Variants in SCD5 observed in about 807,000 individuals in gnomAD.
SCD5 encodes acyl-CoA-desaturase 4.
SCD5 carries 20 observed loss-of-function variants against 30.4 expected under a neutral mutation model. That is an observed-to-expected ratio of 0.66 (90% CI 0.46 to 0.96). SCD5 has a LOEUF of 0.96. Ranked by LOEUF, SCD5 falls within the 40% of genes least tolerant of loss-of-function variation. The pLI is 0.00. For missense variants in SCD5, 381 were observed against 443.3 expected, an observed-to-expected ratio of 0.86 and a Z score of 1.26; for synonymous variants, 173 against 176.4, an observed-to-expected ratio of 0.98 and a Z score of 0.16.
At chr4:82,707,704 C>T (rs1719998263) in intron 1 of SCD5, among the ~76,000 whole-genome samples, 1 of 152,178 alleles carries the variant, frequency 6.6e-6, no homozygotes, top group Admixed American at 6.5e-5. Flanking sequence ...GGAAATGAGG[C>T]CCCCAGTCCA....
chr4:82,705,850 T>G (rs1304133005), intron 1 of SCD5, among the ~76,000 whole-genome samples: 1 of 152,212 alleles, frequency 6.6e-6, no homozygotes, highest in Non-Finnish European at 1.5e-5. Flanking sequence ...TGCCCATTAT[T>G]GGTATCAATA....
chr4:82,709,665 T>C (rs1190767990), intron 1 of SCD5, among the ~76,000 whole-genome samples: 1 of 152,156 alleles, frequency 6.6e-6, no homozygotes, highest in Non-Finnish European at 1.5e-5. Flanking sequence ...GAAGGAAACA[T>C]CAAACATAAA....
chr4:82,765,854 A>G (rs1223270472), intron 1 of SCD5, among the ~76,000 whole-genome samples: 2 of 152,146 alleles, frequency 1.3e-5, no homozygotes, highest in Non-Finnish European at 2.9e-5. Flanking sequence ...TCCTGGCCTC[A>G]AGTGATCCGC....
At position 82,664,995 on chromosome 4, in the gene SCD5, CTCTCTA is replaced by C. The variant is rs1258716341; in HGVS notation, c.569+15706_569+15711del. Among the ~76,000 whole-genome samples the C allele has an allele frequency of 1.6e-3, 134 of 83,258 alleles. 1 individual carries two copies. The highest frequency in any genetic ancestry group is 5.5e-3 in the African/African-American group (91 of 16,400). The allele number at this position is 83,258 out of a possible 152,430, so 54.6% of individuals were successfully genotyped here. On this transcript the variant is annotated intron_variant, in intron 3 of 4. Transcript: ENST00000319540. ...TCTCTCTCTCTCTCTCTCTCTCTCTCTCTCTATATATATATATATATATATGTATAA... is the reference window on the plus strand; with the variant it reads ...TCTCTCTCTCTCTCTCTCTCTCTCTCTATATATATATATATATATGTATAA...
intron 1 of SCD5, among the ~76,000 whole-genome samples, chr4:82,767,075 G>A (rs1216471429): frequency 6.6e-6 from 1 of 152,118 alleles, no homozygotes; most frequent in Non-Finnish European, 1.5e-5. Context: ...TCCGGCTGGT[G>A]GGAATACAGT....
chr4:82,747,083 A>AT (rs1373631953), intron 1 of SCD5, among the ~76,000 whole-genome samples: 1 of 123,020 alleles, frequency 8.1e-6, no homozygotes, highest in Non-Finnish European at 2.0e-5. Flanking sequence ...CCCAAGAAAG[A>AT]CGACCTTCCC....
At chr4:82,644,302 C>A (rs905921590) in intron 3 of SCD5, among the ~76,000 whole-genome samples, 1 of 152,208 alleles carries the variant, frequency 6.6e-6, no homozygotes, top group Non-Finnish European at 1.5e-5. Context: ...CCCCTTTACC[C>A]ATCTTGCTTC....
In SCD5 at chr4:82,712,243, CAT is replaced by C. The variant is rs762732703; in HGVS notation, c.233-6832_233-6831del. Reference sequence around the variant, plus strand: ...ATAGGTCTGGGGAGGGACCAACTAACATATATATATATATATATATATATATA... The same window carrying C: ...ATAGGTCTGGGGAGGGACCAACTAACATATATATATATATATATATATATA... On this transcript the variant is annotated intron_variant, in intron 1 of 4. Transcript: ENST00000319540. 6.8e-3 allele frequency among the ~76,000 whole-genome samples: 194 copies of C among 28,698 alleles called. 6 individuals carry two copies. The highest frequency in any genetic ancestry group is 9.4e-3 in the Non-Finnish European group (104 of 11,022). 18.8% of individuals were successfully genotyped at this position (28,698 alleles called of 152,430 possible). A position where few individuals can be genotyped will look rare whatever the true frequency, so the allele number is the denominator to read the frequency against.
At chr4:82,677,798 C>T (rs552407105) in intron 3 of SCD5, among the ~76,000 whole-genome samples, 1 of 152,242 alleles carries the variant, frequency 6.6e-6, no homozygotes, top group Non-Finnish European at 1.5e-5. Flanking sequence ...CTGGCTTCCT[C>T]TATCTACGTT....
intron 1 of SCD5, among the ~76,000 whole-genome samples, chr4:82,766,224 A>G (rs1721481369): frequency 6.6e-6 from 1 of 152,194 alleles, no homozygotes. Context: ...TTACACTCAT[A>G]TTAAGCCATC....
intron 4 of SCD5, among the ~76,000 whole-genome samples, chr4:82,635,068 A>G (rs1445752491): frequency 6.6e-6 from 1 of 152,234 alleles, no homozygotes; most frequent in Admixed American, 6.5e-5. Flanking sequence ...AGTGACACAG[A>G]GACCATTTCT....
chr4:82,653,536 T>C (rs17006026), intron 3 of SCD5, among the ~76,000 whole-genome samples: 19,297 of 152,006 alleles, frequency 0.13, 1,587 homozygotes, highest in African/African-American at 0.23. Flanking sequence ...ATGTTGGTTA[T>C]TACAGTCACA....
At chr4:82,655,369 G>A (rs896935431) in intron 3 of SCD5, among the ~76,000 whole-genome samples, 1 of 152,158 alleles carries the variant, frequency 6.6e-6, no homozygotes, top group African/African-American at 2.4e-5. Context: ...GATGGTATTA[G>A]TGGCCACAAG....
chr4:82,710,766 T>C (rs1303982977), intron 1 of SCD5, among the ~76,000 whole-genome samples: 1 of 148,184 alleles, frequency 6.7e-6, no homozygotes, highest in Non-Finnish European at 1.5e-5. Flanking sequence ...GTTCTGAAGA[T>C]AGATAGGCAA....
chr4:82,686,158 A>G (rs531945983), intron 2 of SCD5, among the ~76,000 whole-genome samples: 68 of 152,188 alleles, frequency 4.5e-4, no homozygotes, highest in African/African-American at 1.6e-3. Context: ...GGCACATGCC[A>G]CTATGCCCAG....
intron 1 of SCD5, among the ~76,000 whole-genome samples, chr4:82,753,150 T>C (rs1448690368): frequency 6.6e-6 from 1 of 151,382 alleles, no homozygotes; most frequent in Non-Finnish European, 1.5e-5. Context: ...ATGTGATTCC[T>C]GTGCACATTC....
intron 3 of SCD5, chr4:82,659,976 T>C (rs1034500980): frequency 1.6e-5 from 1 of 61,406 alleles, no homozygotes; most frequent in African/African-American, 6.8e-5. Flanking sequence ...GATACAGGAA[T>C]ATTTATCAAG....
At chr4:82,737,685 T>C (rs1259396908) in intron 1 of SCD5, among the ~76,000 whole-genome samples, 1 of 152,226 alleles carries the variant, frequency 6.6e-6, no homozygotes, top group Non-Finnish European at 1.5e-5. Context: ...AAATCAGGGA[T>C]ACTATTTTCA....
intron 1 of SCD5, among the ~76,000 whole-genome samples, chr4:82,780,373 C>T: frequency 6.6e-6 from 1 of 152,210 alleles, no homozygotes; most frequent in Non-Finnish European, 1.5e-5. Context: ...GTCCATCTCC[C>T]CTTCTAGATC....
Sources: allele counts gnomAD v4.1 joint callset (sites outside exome capture counted in the v4.1 genomes callset), GRCh38; gene constraint gnomAD v4.1.1; transcripts MANE v1.5; gene names NCBI Gene and HGNC (gene_info 2026-07-23, HGNC 2026-07-21).